Variants in PIK3R2 observed in about 807,000 individuals in gnomAD.
PIK3R2 encodes phosphoinositide-3-kinase regulatory subunit 2, also known as phosphatidylinositol 3-kinase regulatory subunit beta.
A neutral mutation model predicts 78.5 loss-of-function variants in PIK3R2; 40 were observed. The ratio of observed to expected loss-of-function variants is 0.51; its 90% confidence interval spans 0.40 to 0.66. PIK3R2 has a LOEUF of 0.66. Ranked by LOEUF, PIK3R2 falls within the 30% of genes least tolerant of loss-of-function variation. The pLI, the probability that PIK3R2 is intolerant of heterozygous loss-of-function variation, is 0.00. For missense variants in PIK3R2, 880 were observed against 1,026.6 expected (o/e 0.86, Z 1.95); for synonymous variants, 473 against 457.7 (o/e 1.03, Z -0.43).
In PIK3R2 at chr19:18,162,420, C is replaced by A; in HGVS notation, c.1023C>A (p.Asn341Lys). ...GATGTTCCCACAGGGAGGAGGTGAA[C>A]GAGAAACTCCGGGACACTCCCGATG... ...YWGDISREEV[N>K]EKLRDTPDGT... Residue 341 changes from asparagine (N) to lysine (K), a missense_variant, in exon 9 of 16, where the codon AAC (asparagine) becomes AAA (lysine). Asn to Lys is a moderately conservative substitution (Grantham distance 94). Coordinates refer to ENST00000222254, the MANE Select transcript of PIK3R2 (RefSeq NM_005027.4). 1.2e-6 allele frequency: 2 copies of A among 1,613,424 alleles called. No individual in the cohort carries two copies. The highest frequency in any genetic ancestry group is 8.5e-7 in the Non-Finnish European group (1 of 1,179,920).
rs1224280899 is a variant in PIK3R2 at position 18,163,154 on chromosome 19, G to T, written c.1290+7G>T. The T allele has an allele frequency of 1.2e-6, 2 of 1,613,756 alleles. No individual in the cohort carries two copies. Among genetic ancestry groups the T allele is most frequent in the Non-Finnish European group, 1.7e-6 (2 of 1,179,850 alleles). ...TGTGTCCAAATACCAGCAGGTCCGT[G>T]CTGGCCTGGGAGCCAGGGAGGGTAG... On this transcript the variant is annotated splice_region_variant and intron_variant, in intron 10 of 15. Transcript: ENST00000222254.
intron 2 of PIK3R2, among the ~76,000 whole-genome samples, chr19:18,160,254 T>A (rs553647198): frequency 5.3e-5 from 8 of 152,340 alleles, no homozygotes; most frequent in Non-Finnish European, 1.2e-4. Context: ...CTCCTCATAT[T>A]CTAACCCAGA....
chr19:18,157,938 T>C (rs2043696527), intron 2 of PIK3R2, among the ~76,000 whole-genome samples: 1 of 152,140 alleles, frequency 6.6e-6, no homozygotes, highest in Non-Finnish European at 1.5e-5. Context: ...CAAAAGGCCC[T>C]GTAGTGCTGG....
chr19:18,153,814 CACCGGGGCGTGGGG>C (rs1761073452), intron 1 of PIK3R2, among the ~76,000 whole-genome samples: 1 of 152,142 alleles, frequency 6.6e-6, no homozygotes, highest in Non-Finnish European at 1.5e-5. Flanking sequence ...GGGGCGCGCA[CACCGGGGCGTGGGG>C]GCGGGCTGGC....
intron 2 of PIK3R2, among the ~76,000 whole-genome samples, chr19:18,157,544 G>A (rs2043690406): frequency 6.6e-6 from 1 of 152,148 alleles, no homozygotes; most frequent in Non-Finnish European, 1.5e-5. Context: ...AGCCCCACCT[G>A]GCTGTGCACC....
At chr19:18,157,793 C>T (rs949572476) in intron 2 of PIK3R2, among the ~76,000 whole-genome samples, 48 of 150,204 alleles carry the variant, frequency 3.2e-4, no homozygotes, top group African/African-American at 1.2e-3. Context: ...GCTTGAGGCG[C>T]CACCTGGCCC....
At chr19:18,165,128 G>C (rs936078357) in intron 11 of PIK3R2, among the ~76,000 whole-genome samples, 56 of 151,514 alleles carry the variant, frequency 3.7e-4, no homozygotes, top group African/African-American at 1.3e-3. Context: ...CCAGCACTTT[G>C]GGAGGCTGAG....
In PIK3R2 at chr19:18,161,390, C is replaced by G. The variant is rs1195533345; in HGVS notation, c.710C>G (p.Pro237Arg). ...QHLGRVASRAPALGPAVRALG... is the reference protein window; with the variant it reads ...QHLGRVASRARALGPAVRALG... ...CTGGGCCGCGTGGCCAGCCGCGCCC[C>G]GGCCCTGGGTCCCGCGGTCCGGGCC... is the stretch of plus-strand genomic sequence containing the variant. Residue 237 changes from proline (P) to arginine (R), a missense_variant, in exon 6 of 16, where the codon CCG (proline) becomes CGG (arginine). Pro to Arg is a moderately radical substitution (Grantham distance 103, BLOSUM62 -2). Coordinates refer to ENST00000222254, the MANE Select transcript of PIK3R2 (RefSeq NM_005027.4). The surrounding 1 kb of genome is among the most constrained non-coding windows in gnomAD (Gnocchi z 5.3). 3 of 1,233,734 alleles carry G rather than the reference C, an allele frequency of 2.4e-6. No individual in the cohort carries two copies. Among genetic ancestry groups the G allele is most frequent in the East Asian group, 3.5e-5 (1 of 28,636 alleles). The allele number at this position is 1,233,734 out of a possible 1,614,324, so 76.4% of individuals were successfully genotyped here.
In PIK3R2 at chr19:18,162,507, G is replaced by A; in HGVS notation, c.1109+1G>A. On this transcript the variant is annotated splice_donor_variant, in intron 9 of 15. Transcript: ENST00000222254. LOFTEE classifies it high-confidence loss of function. ...AGGGCGAGTACACGCTGACCCTCAG[G>A]TGGGGGCCTGTCCCTGCAAGGATAA... The A allele has an allele frequency of 6.2e-7, 1 of 1,612,054 alleles. No homozygotes were observed. The highest frequency in any genetic ancestry group is 1.3e-5 in the African/African-American group (1 of 74,994).
At chr19:18,154,446 C>T (rs766134442) in intron 1 of PIK3R2, among the ~76,000 whole-genome samples, 4 of 152,176 alleles carry the variant, frequency 2.6e-5, no homozygotes, top group Admixed American at 6.5e-5. Flanking sequence ...TACCTGCCAG[C>T]CCACTCACTC....
At chr19:18,153,823 G>A (rs892231782) in intron 1 of PIK3R2, among the ~76,000 whole-genome samples, 4 of 151,810 alleles carry the variant, frequency 2.6e-5, no homozygotes, top group Non-Finnish European at 5.9e-5. Flanking sequence ...ACACCGGGGC[G>A]TGGGGGCGGG....
rs1208639269 is a variant in PIK3R2 at position 18,161,068 on chromosome 19, G to A, written c.481G>A (p.Asp161Asn). 11 of 1,610,866 alleles carry A rather than the reference G, an allele frequency of 6.8e-6. No individual in the cohort carries two copies. In the African/African-American group the frequency reaches 1.1e-4, roughly 16 times the overall value. Reference sequence around the variant, plus strand: ...TGCACCCGCAGACTGGTCCCTGAGCGACGTGGATCAGTGGGACACGGCAGC... The same window carrying A: ...TGCACCCGCAGACTGGTCCCTGAGCAACGTGGATCAGTGGGACACGGCAGC... ...PAPRTDWSLS[D>N]VDQWDTAALA... The change falls in exon 5 of 16, where the codon GAC (aspartate) becomes AAC (asparagine). Residue 161 changes from aspartate (D) to asparagine (N), a missense_variant. Physicochemically the swap from Asp to Asn is conservative, Grantham distance 23 (BLOSUM62 1). Around this residue, in one of 3 missense-constraint regions of PIK3R2, gnomAD observed 456 missense variants for 486.6 expected, o/e 0.94. Transcript: ENST00000222254. This position sits in a 1 kb window ranked among gnomAD's most constrained non-coding sequence, Gnocchi z 5.3.
In PIK3R2 at chr19:18,161,827, G is replaced by T. The variant is rs1022415709; in HGVS notation, c.816-139G>T. On this transcript the variant is annotated intron_variant, in intron 6 of 15. Transcript: ENST00000222254. This position sits in a 1 kb window ranked among gnomAD's most constrained non-coding sequence, Gnocchi z 5.3. ...ATGAGGGAGCTGGCCTCGCACATGT[G>T]CCTGTATCATCTCCTCCTCCGCCCT... 4.4e-6 allele frequency: 3 copies of T among 682,356 alleles called. No individual in the cohort carries two copies. The highest frequency in any genetic ancestry group is 7.7e-6 in the Non-Finnish European group (3 of 390,256). 42.3% of individuals were successfully genotyped at this position (682,356 alleles called of 1,614,324 possible). A position where few individuals can be genotyped will look rare whatever the true frequency, so the allele number is the denominator to read the frequency against.
At chr19:18,160,837 A>AG (rs1003352981) in intron 3 of PIK3R2, 82 bp from the exon 4 acceptor site, 181 of 1,479,458 alleles carry the variant, frequency 1.2e-4, no homozygotes, top group Non-Finnish European at 1.3e-4. Flanking sequence ...GGGAGACTGC[A>AG]GGGGGGTTGA....
At chr19:18,163,218 C>T (rs1017243758) in intron 10 of PIK3R2, 45 bp from the exon 11 acceptor site, 1 of 1,613,984 alleles carries the variant, frequency 6.2e-7, no homozygotes, top group African/African-American at 1.3e-5. Context: ...CTAGGTAGAC[C>T]CGACCAGGCT....
Position 18,161,373 on chromosome 19 carries a change from C to T in PIK3R2, c.693C>T (p.Arg231=), listed in dbSNP as rs1442098960. The T allele has an allele frequency of 7.9e-7, 1 of 1,260,446 alleles. No homozygotes were observed. The highest frequency in any genetic ancestry group is 3.4e-5 in the East Asian group (1 of 29,542). The allele number at this position is 1,260,446 out of a possible 1,614,324, so 78.1% of individuals were successfully genotyped here. A position where few individuals can be genotyped will look rare whatever the true frequency, so the allele number is the denominator to read the frequency against. Residue 231 remains arginine (R), a synonymous_variant, in exon 6 of 16, where the codon CGC becomes CGT. Transcript: ENST00000222254. This position sits in a 1 kb window ranked among gnomAD's most constrained non-coding sequence, Gnocchi z 5.3. ...TLRFLLQHLG[R]VASRAPALGP... ...GCTTCCTGCTCCAGCACCTGGGCCG[C>T]GTGGCCAGCCGCGCCCCGGCCCTGG...
chr19:18,161,068 G>T lies in PIK3R2; in HGVS notation c.481G>T (p.Asp161Tyr). The T allele has an allele frequency of 6.2e-7, 1 of 1,610,984 alleles. No individual in the cohort carries two copies. Among genetic ancestry groups the T allele is most frequent in the Non-Finnish European group, 8.5e-7 (1 of 1,179,098 alleles). The change falls in exon 5 of 16, where the codon GAC becomes TAC. Residue 161 changes from aspartate to tyrosine, a missense_variant. By Grantham distance (160) the Asp-to-Tyr change is radical. Transcript: ENST00000222254. The surrounding 1 kb of genome is among the most constrained non-coding windows in gnomAD (Gnocchi z 5.3). ...PAPRTDWSLS[D>Y]VDQWDTAALA... is the part of the protein sequence containing the mutation. ...TGCACCCGCAGACTGGTCCCTGAGCGACGTGGATCAGTGGGACACGGCAGC... is the reference window on the plus strand; with the variant it reads ...TGCACCCGCAGACTGGTCCCTGAGCTACGTGGATCAGTGGGACACGGCAGC...
intron 12 of PIK3R2, among the ~76,000 whole-genome samples, chr19:18,166,864 G>A (rs2043815385): frequency 6.6e-6 from 1 of 151,972 alleles, no homozygotes; most frequent in African/African-American, 2.4e-5. Context: ...GCCGGGTGCA[G>A]TGGCTCATTC....
chr19:18,159,480 C>T (rs1427179797), intron 2 of PIK3R2, among the ~76,000 whole-genome samples: 1 of 152,022 alleles, frequency 6.6e-6, no homozygotes, highest in Non-Finnish European at 1.5e-5. Context: ...CTCACTCTGT[C>T]ACCCAGACTG....
Sources: gnomAD v4.1 joint callset for allele counts (sites outside exome capture counted in the v4.1 genomes callset) on GRCh38, gnomAD v4.1.1 for gene constraint, gnomAD v4.1.1 regional missense constraint, Gnocchi (gnomAD v3.1) non-coding constraint, MANE v1.5 for transcripts, NCBI Gene and HGNC (gene_info 2026-07-23, HGNC 2026-07-21) for gene names.